Variants in SORCS1 observed in about 807,000 individuals in gnomAD.
The protein encoded by SORCS1 is sortilin related VPS10 domain containing receptor 1, also known as VPS10 domain-containing receptor SorCS1.
Under a neutral mutation model 146.1 loss-of-function variants are expected in SORCS1, and 60 were observed. The ratio of observed to expected loss-of-function variants is 0.41; its 90% CI spans 0.33 to 0.51. The LOEUF (loss-of-function observed/expected upper bound fraction) is 0.51. Ranked by LOEUF, SORCS1 falls within the 20% of genes least tolerant of loss-of-function variation. The pLI is 0.21. For missense variants in SORCS1, 1,352 were observed against 1,487.6 expected (o/e 0.91, Z 1.50); for synonymous variants, 637 against 584.0 (o/e 1.09, Z -1.31).
At chr10:106,887,099 C>T (rs1951030316) in intron 2 of SORCS1, among the ~76,000 whole-genome samples, 1 of 152,178 alleles carries the variant, frequency 6.6e-6, no homozygotes, top group South Asian at 2.1e-4. Flanking sequence ...AGTGAAAGCA[C>T]ACATCAGTCA....
In SORCS1 at chr10:107,115,567, C is replaced by A. The variant is rs149490776; in HGVS notation, c.558+48402G>T. The stretch of plus-strand genomic sequence containing the variant: ...TATCCATACGCAGAAAAATTAAATT[C>A]TTTTACTTAAACCATATATAAAAAT... On this transcript the variant is annotated intron_variant, in intron 1 of 25. Transcript: ENST00000263054. Among the ~76,000 whole-genome samples the A allele has an allele frequency of 2.7e-3, 406 of 152,058 alleles. 2 individuals carry two copies. Among genetic ancestry groups the A allele is most frequent in the African/African-American group, 8.9e-3 (369 of 41,544 alleles).
chr10:106,673,136 CTT>C (rs11397124), intron 14 of SORCS1, 151 bp from the exon 15 acceptor site: 632 of 444,664 alleles, frequency 1.4e-3, no homozygotes, highest in South Asian at 2.4e-3. Context: ...GAAGAGGGTA[CTT>C]TTTTTTTTTT....
intron 6 of SORCS1, among the ~76,000 whole-genome samples, chr10:106,728,316 C>A (rs1223001906): frequency 2.0e-5 from 3 of 151,490 alleles, no homozygotes; most frequent in African/African-American, 7.3e-5. Flanking sequence ...AAATATTGAT[C>A]TGTTATGTAG....
At chr10:106,803,829 A>G (rs914074733) in intron 3 of SORCS1, among the ~76,000 whole-genome samples, 2 of 152,212 alleles carry the variant, frequency 1.3e-5, no homozygotes, top group Non-Finnish European at 2.9e-5. Context: ...CTAGGTTTGC[A>G]GCAGAGAATT....
intron 2 of SORCS1, among the ~76,000 whole-genome samples, chr10:106,885,287 G>T (rs562877725): frequency 2.4e-5 from 3 of 124,146 alleles, no homozygotes; most frequent in African/African-American, 1.1e-4. Context: ...GAGAAAATTG[G>T]GGGGGGGGAA....
intron 1 of SORCS1, among the ~76,000 whole-genome samples, chr10:107,055,954 T>C (rs1171279891): frequency 1.3e-5 from 2 of 152,222 alleles, no homozygotes; most frequent in East Asian, 3.9e-4. Context: ...TTTGAGAGAT[T>C]GCCCTTCTTT....
At chr10:106,623,260 T>C (rs1589500009) in intron 19 of SORCS1, among the ~76,000 whole-genome samples, 4 of 143,664 alleles carry the variant, frequency 2.8e-5, no homozygotes, top group African/African-American at 1.1e-4. Flanking sequence ...TTTTTTTTTT[T>C]GAGACAGAGT....
At chr10:107,055,522 CAGT>C (rs1382449312) in intron 1 of SORCS1, among the ~76,000 whole-genome samples, 2 of 152,142 alleles carry the variant, frequency 1.3e-5, no homozygotes, top group Non-Finnish European at 2.9e-5. Flanking sequence ...TACCTTTCAC[CAGT>C]GGGCAGAAAA....
chr10:107,121,179 C>T (rs1966384409), intron 1 of SORCS1, among the ~76,000 whole-genome samples: 1 of 152,152 alleles, frequency 6.6e-6, no homozygotes, highest in Non-Finnish European at 1.5e-5. Context: ...GACAGTACCA[C>T]CTGTTTCTCA....
rs557635814 is a variant in SORCS1 at position 106,991,375 on chromosome 10, T to C, written c.559-34795A>G. 2.0e-5 allele frequency among the ~76,000 whole-genome samples: 3 copies of C among 152,280 alleles called. No homozygotes were observed. In the East Asian group the frequency reaches 5.8e-4, roughly 29 times the overall value. The stretch of plus-strand genomic sequence containing the variant: ...CATCCTGGCCTTTCTATTCCTCAAA[T>C]AAATGAAACTAAAACATAAAACAAT... On this transcript the variant is annotated intron_variant, in intron 1 of 25. Transcript: ENST00000263054.
At chr10:107,023,923 G>C (rs1419595548) in intron 1 of SORCS1, among the ~76,000 whole-genome samples, 1 of 152,016 alleles carries the variant, frequency 6.6e-6, no homozygotes, top group East Asian at 1.9e-4. Context: ...AAAACCTAAG[G>C]CTGGGTGACT....
chr10:106,663,303 A>AT, intron 17 of SORCS1, among the ~76,000 whole-genome samples: 1 of 152,330 alleles, frequency 6.6e-6, no homozygotes, highest in African/African-American at 2.4e-5. Context: ...GAAATCACAT[A>AT]TAAAAACAAC....
chr10:106,709,435 C>T lies in SORCS1; in HGVS notation c.1025-94G>A, dbSNP rs1018455464. 3 of 562,830 alleles carry T rather than the reference C, an allele frequency of 5.3e-6. No individual in the cohort carries two copies. In the South Asian group the frequency reaches 6.3e-5, roughly 12 times the overall value. The allele number at this position is 562,830 out of a possible 1,614,324, so 34.9% of individuals were successfully genotyped here. A position where few individuals can be genotyped will look rare whatever the true frequency, so the allele number is the denominator to read the frequency against. On this transcript the variant is annotated intron_variant, in intron 6 of 25. Transcript: ENST00000263054. ...GGTGGACGTTTGATATTTCCCTTACCATTTCCAATTTTTTTTTTTTTTTTT... is the reference window on the plus strand; with the variant it reads ...GGTGGACGTTTGATATTTCCCTTACTATTTCCAATTTTTTTTTTTTTTTTT...
At chr10:106,632,594 ACTGT>A (rs1848501808) in intron 18 of SORCS1, among the ~76,000 whole-genome samples, 1 of 152,204 alleles carries the variant, frequency 6.6e-6, no homozygotes, top group African/African-American at 2.4e-5. Flanking sequence ...ATATTTATTG[ACTGT>A]CTATCTCATG....
At chr10:106,963,828 G>A (rs934349106) in intron 1 of SORCS1, among the ~76,000 whole-genome samples, 1 of 152,122 alleles carries the variant, frequency 6.6e-6, no homozygotes, top group Non-Finnish European at 1.5e-5. Flanking sequence ...TACATGCTGT[G>A]AGGATACAAA....
At chr10:106,724,936 T>G (rs373610281) in intron 6 of SORCS1, among the ~76,000 whole-genome samples, 228 of 152,120 alleles carry the variant, frequency 1.5e-3, no homozygotes, top group African/African-American at 5.0e-3. Flanking sequence ...GGTCAGGAGT[T>G]TGAGATCAGT....
intron 1 of SORCS1, among the ~76,000 whole-genome samples, chr10:106,978,125 A>G (rs1239283954): frequency 1.3e-5 from 2 of 152,160 alleles, no homozygotes; most frequent in Non-Finnish European, 2.9e-5. Context: ...TTGTATTTTT[A>G]GTAGAGACAG....
intron 1 of SORCS1, among the ~76,000 whole-genome samples, chr10:107,018,199 G>A (rs1486094462): frequency 1.3e-5 from 2 of 151,816 alleles, no homozygotes; most frequent in Non-Finnish European, 2.9e-5. Context: ...TTCGGAGACG[G>A]AGTCCCGCTC....
At chr10:106,951,111 C>T (rs567663484) in intron 2 of SORCS1, among the ~76,000 whole-genome samples, 17 of 152,186 alleles carry the variant, frequency 1.1e-4, no homozygotes, top group African/African-American at 3.4e-4. Context: ...CTGGCATTTC[C>T]GGGCGGCTGC....
Sources: allele counts gnomAD v4.1 joint callset (sites outside exome capture counted in the v4.1 genomes callset), GRCh38; gene constraint gnomAD v4.1.1; transcripts MANE v1.5; gene names NCBI Gene and HGNC (gene_info 2026-07-23, HGNC 2026-07-21).